KIF21A: variants seen among roughly 807,000 people sequenced by gnomAD.
KIF21A encodes the protein kinesin-like protein KIF21A.
A neutral mutation model predicts 202.9 loss-of-function variants in KIF21A; 114 were observed. The observed-to-expected ratio is 0.56, with a 90% CI of 0.48 to 0.66. The LOEUF (loss-of-function observed/expected upper bound fraction) is 0.66, where lower values mean the gene tolerates loss of function less well. KIF21A is among the 30% of genes least tolerant of loss of function. The pLI is 0.00. For missense variants in KIF21A, 1,677 were observed against 1,994.9 expected (o/e 0.84, Z 3.04); for synonymous variants, 667 against 670.8 (o/e 0.99, Z 0.09).
intron 34 of KIF21A, among the ~76,000 whole-genome samples, chr12:39,305,973 T>C (rs897321334): frequency 6.6e-6 from 1 of 152,234 alleles, no homozygotes; most frequent in Admixed American, 6.5e-5. Context: ...TGTGTGGATG[T>C]GTACATCAGA....
chr12:39,389,595 A>T (rs960849384), intron 1 of KIF21A, among the ~76,000 whole-genome samples: 11 of 152,336 alleles, frequency 7.2e-5, no homozygotes, highest in Admixed American at 6.5e-4. Context: ...ACCATAAAAG[A>T]ACTTTGGAAG....
chr12:39,301,515 T>C lies in KIF21A; in HGVS notation c.4896A>G (p.Ile1632Met), dbSNP rs756075691. The change falls in exon 37 of 38, where the codon ATA (isoleucine) becomes ATG (methionine). Residue 1632 changes from isoleucine (I) to methionine (M), a missense_variant. Physicochemically the swap from Ile to Met is conservative, Grantham distance 10. Transcript: ENST00000361418. ...TAAAAATGTGGGTGGAATTAACACA[T>C]ATGGCATTGATAGGACTATCATGAC... ...MKGHDSPINAICVNSTHIFTA... is the reference protein window; with the variant it reads ...MKGHDSPINAMCVNSTHIFTA... The C allele has an allele frequency of 1.2e-6, 2 of 1,614,110 alleles. No homozygotes were observed. Among genetic ancestry groups the C allele is most frequent in the Non-Finnish European group, 1.7e-6 (2 of 1,179,956 alleles).
chr12:39,371,780 A>G (rs1429476957), intron 1 of KIF21A, among the ~76,000 whole-genome samples: 1 of 152,026 alleles, frequency 6.6e-6, no homozygotes, highest in Admixed American at 6.6e-5. Flanking sequence ...AAATAGAAAA[A>G]TTAGCCCAAC....
At chr12:39,380,058 C>T (rs1029761823) in intron 1 of KIF21A, among the ~76,000 whole-genome samples, 16 of 152,206 alleles carry the variant, frequency 1.1e-4, no homozygotes, top group African/African-American at 2.9e-4. Context: ...ACCTCCGCCT[C>T]CCAGGTTCAG....
intron 17 of KIF21A, among the ~76,000 whole-genome samples, chr12:39,333,567 T>C (rs1238715619): frequency 3.3e-5 from 5 of 152,220 alleles, no homozygotes; most frequent in Non-Finnish European, 7.3e-5. Flanking sequence ...CTTTTCTAAA[T>C]GCTTTACAAA....
rs751062866 is a variant in KIF21A, at chr12:39,340,947, C to T, written c.2069G>A (p.Arg690Gln). Residue 690 changes from arginine to glutamine, a missense_variant, in exon 15 of 38, where the codon CGG becomes CAG. Arg to Gln is a conservative substitution (Grantham distance 43). Coordinates refer to ENST00000361418, the MANE Select transcript of KIF21A (RefSeq NM_001173464.2). The part of the protein sequence containing the change: ...EKLMMLQHKI[R>Q]DTQLERDQVL... Reference sequence around the variant, plus strand: ...CTGGTCTCTTTCAAGCTGAGTATCCCGAATTTTATGTTGCAGCATCATTAG... The same window carrying T: ...CTGGTCTCTTTCAAGCTGAGTATCCTGAATTTTATGTTGCAGCATCATTAG... The T allele has an allele frequency of 1.5e-5, 24 of 1,612,956 alleles. No homozygotes were observed. Among genetic ancestry groups the T allele is most frequent in the Non-Finnish European group, 1.8e-5 (21 of 1,179,472 alleles).
intron 1 of KIF21A, among the ~76,000 whole-genome samples, chr12:39,400,895 T>C (rs1413563861): frequency 6.6e-6 from 1 of 152,206 alleles, no homozygotes; most frequent in Non-Finnish European, 1.5e-5. Context: ...TGACCAATTA[T>C]ACCAAAGGAG....
At chr12:39,416,620 CATATATATGTGTATATATATATAT>C (rs1566264111) in intron 1 of KIF21A, among the ~76,000 whole-genome samples, 2 of 123,876 alleles carry the variant, frequency 1.6e-5, no homozygotes, top group Non-Finnish European at 3.3e-5. Context: ...TATATATGTA[CATATATATGTGTATATATATATAT>C]GTACATATAT....
At chr12:39,421,321 GA>G (rs1954237153) in intron 1 of KIF21A, among the ~76,000 whole-genome samples, 1 of 152,122 alleles carries the variant, frequency 6.6e-6, no homozygotes, top group South Asian at 2.1e-4. Flanking sequence ...ATTGCCTAAT[GA>G]CACATTTCTC....
At chr12:39,341,997 G>A in intron 13 of KIF21A, 37 bp downstream of exon 13, 1 of 1,428,628 alleles carries the variant, frequency 7.0e-7, no homozygotes, top group Non-Finnish European at 9.9e-7. Context: ...ACCAAACCTG[G>A]TGACTAAAAC....
chr12:39,370,815 T>C (rs1308742281), intron 1 of KIF21A, among the ~76,000 whole-genome samples: 1 of 151,986 alleles, frequency 6.6e-6, no homozygotes, highest in Non-Finnish European at 1.5e-5. Context: ...TATGTATATA[T>C]ATATTCATTT....
In KIF21A at chr12:39,337,606, C is replaced by T. The variant is rs536123548; in HGVS notation, c.2311-403G>A. 64 of 200,264 alleles carry T rather than the reference C, an allele frequency of 3.2e-4. No homozygotes were observed. The East Asian group carries it at 7.2e-3, about 22-fold the overall frequency. 12.4% of individuals were successfully genotyped at this position (200,264 alleles called of 1,614,324 possible). A position where few individuals can be genotyped will look rare whatever the true frequency, so the allele number is the denominator to read the frequency against. On this transcript the variant is annotated intron_variant, in intron 16 of 37. Coordinates refer to ENST00000361418, the MANE Select transcript of KIF21A (RefSeq NM_001173464.2). ...ATTCAACCAGTTAACACCCACACAG[C>T]GTTTTAACAGTACCTGGCACTTGAA...
At chr12:39,426,435 ATT>A (rs1430140984) in intron 1 of KIF21A, among the ~76,000 whole-genome samples, 2 of 152,230 alleles carry the variant, frequency 1.3e-5, no homozygotes, top group Non-Finnish European at 2.9e-5. Context: ...ATGGAGAGGT[ATT>A]TTTAAAAATG....
chr12:39,404,059 A>G (rs1952385859), intron 1 of KIF21A, among the ~76,000 whole-genome samples: 1 of 152,182 alleles, frequency 6.6e-6, no homozygotes, highest in African/African-American at 2.4e-5. Flanking sequence ...TCAAGCACCC[A>G]GGAGATTCTT....
At chr12:39,386,779 C>G (rs1381683136) in intron 1 of KIF21A, among the ~76,000 whole-genome samples, 2 of 152,144 alleles carry the variant, frequency 1.3e-5, no homozygotes, top group Non-Finnish European at 1.5e-5. Context: ...AGCTTGAAAT[C>G]TAAGTTGACT....
At chr12:39,326,426 A>G (rs1405522981) in intron 24 of KIF21A, 102 bp from the exon 25 acceptor site, 7 of 761,366 alleles carry the variant, frequency 9.2e-6, no homozygotes, top group Non-Finnish European at 1.6e-5. Context: ...ACATCTCAAT[A>G]TGGGCACGAT....
chr12:39,293,935 GC>G lies in KIF21A; in HGVS notation c.*488del. On this transcript the variant is annotated 3_prime_UTR_variant, in exon 38 of 38. Transcript: ENST00000361418. ...TATTTTTGTCCATTACATTAAAAGA[GC>G]TTTGAAATTTGGGAATCCACTACAG... is the stretch of plus-strand genomic sequence containing the variant. The G allele has an allele frequency of 6.4e-6, 1 of 155,690 alleles. No homozygotes were observed. The highest frequency in any genetic ancestry group is 3.4e-3 in the Middle Eastern group (1 of 296). 9.6% of individuals were successfully genotyped at this position (155,690 alleles called of 1,614,324 possible).
rs902309559 is a variant in KIF21A, at chr12:39,442,739, C to G, written c.44+188G>C. 6.6e-6 allele frequency among the ~76,000 whole-genome samples: 1 copy of G among 152,170 alleles called. No individual in the cohort carries two copies. Among genetic ancestry groups the G allele is most frequent in the Non-Finnish European group, 1.5e-5 (1 of 68,000 alleles). On this transcript the variant is annotated intron_variant, in intron 1 of 37. Coordinates refer to ENST00000361418, the MANE Select transcript of KIF21A (RefSeq NM_001173464.2). This position sits in a 1 kb window ranked among gnomAD's most constrained non-coding sequence, Gnocchi z 5.0. ...ACGGCGTGAGGGCGGCGCAGTCGCC[C>G]TGCCAGCACCCGGCCGCGCGTGCCA...
At chr12:39,316,544 G>A (rs1291634827) in intron 29 of KIF21A, among the ~76,000 whole-genome samples, 1 of 152,162 alleles carries the variant, frequency 6.6e-6, no homozygotes, top group Non-Finnish European at 1.5e-5. Flanking sequence ...ACTTTAGTGG[G>A]CTTTTAGAAT....
Sources: gnomAD v4.1 joint callset for allele counts (sites outside exome capture counted in the v4.1 genomes callset) on GRCh38, gnomAD v4.1.1 for gene constraint, Gnocchi (gnomAD v3.1) non-coding constraint, MANE v1.5 for transcripts, NCBI Gene and HGNC (gene_info 2026-07-23, HGNC 2026-07-21) for gene names.